The following CRIM1 variants were observed in gnomAD, a reference collection of about 807,000 sequenced individuals.
CRIM1 encodes cysteine rich transmembrane BMP regulator 1.
Under a neutral mutation model 116.4 loss-of-function variants are expected in CRIM1, and 32 were observed. That is an observed-to-expected ratio of 0.27 (90% CI 0.21 to 0.37). The LOEUF (loss-of-function observed/expected upper bound fraction) is 0.37, where lower values mean the gene tolerates loss of function less well. CRIM1 is among the 10% of genes least tolerant of loss of function. The probability of loss-of-function intolerance (pLI) is 1.00; values close to 1 mark genes in which losing one functional copy is unlikely to be tolerated. For synonymous variants in CRIM1, 590 were observed against 509.2 expected, an observed-to-expected ratio of 1.16 and a Z score of -2.13; for missense variants, 1,331 against 1,354.8, an observed-to-expected ratio of 0.98 and a Z score of 0.28.
At chr2:36,394,881 C>G (rs1200558869) in intron 1 of CRIM1, among the ~76,000 whole-genome samples, 1 of 152,032 alleles carries the variant, frequency 6.6e-6, no homozygotes. Flanking sequence ...ATTCTTGTAA[C>G]GACCTCTTGA....
chr2:36,438,424 A>C lies in CRIM1; in HGVS notation c.506-2834A>C, dbSNP rs1346655245. Among the ~76,000 whole-genome samples, 4 of 152,234 alleles carry C rather than the reference A, an allele frequency of 2.6e-5. No homozygotes were observed. The East Asian group carries it at 7.7e-4, about 29-fold the overall frequency. On this transcript the variant is annotated intron_variant, in intron 2 of 16. Coordinates refer to ENST00000280527, the MANE Select transcript of CRIM1 (RefSeq NM_016441.3). ...AATGCAGTTTACAAACTCCAACTTA[A>C]TCTGCATACATTCAAGATTCGCCTT...
chr2:36,489,683 G>T (rs1680083748), intron 7 of CRIM1, among the ~76,000 whole-genome samples: 1 of 152,166 alleles, frequency 6.6e-6, no homozygotes, highest in Non-Finnish European at 1.5e-5. Flanking sequence ...TTAGAAATAG[G>T]TCTTCTGTGT....
chr2:36,481,652 C>G (rs1383756803), intron 7 of CRIM1, among the ~76,000 whole-genome samples: 12 of 152,208 alleles, frequency 7.9e-5, no homozygotes, highest in Non-Finnish European at 1.8e-4. Flanking sequence ...CAGAGCAACA[C>G]TGCTGAAGCC....
intron 2 of CRIM1, among the ~76,000 whole-genome samples, chr2:36,419,044 G>C (rs1293821519): frequency 1.3e-5 from 2 of 152,156 alleles, no homozygotes; most frequent in African/African-American, 4.8e-5. Flanking sequence ...TATCCTGACA[G>C]TATCCCTGTA....
chr2:36,362,208 G>C (rs1305682161), intron 1 of CRIM1, among the ~76,000 whole-genome samples: 1 of 146,870 alleles, frequency 6.8e-6, no homozygotes, highest in East Asian at 2.4e-4. Context: ...AAGTGATTTT[G>C]CAAGTCTGTG....
At chr2:36,415,529 T>C (rs1673544473) in intron 2 of CRIM1, among the ~76,000 whole-genome samples, 1 of 152,220 alleles carries the variant, frequency 6.6e-6, no homozygotes, top group African/African-American at 2.4e-5. Flanking sequence ...ACACAACCCA[T>C]ATCCCAATTT....
At chr2:36,509,097 A>G (rs557518682) in intron 8 of CRIM1, among the ~76,000 whole-genome samples, 1 of 152,358 alleles carries the variant, frequency 6.6e-6, no homozygotes, top group African/African-American at 2.4e-5. Flanking sequence ...TTTAATTACT[A>G]TCATTTTGTA....
intron 1 of CRIM1, among the ~76,000 whole-genome samples, chr2:36,383,972 T>G (rs1670978538): frequency 6.6e-6 from 1 of 152,152 alleles, no homozygotes; most frequent in Admixed American, 6.6e-5. Flanking sequence ...AGACAAAAAT[T>G]CTTACCAACT....
At chr2:36,373,030 C>G (rs1284134517) in intron 1 of CRIM1, among the ~76,000 whole-genome samples, 1 of 152,054 alleles carries the variant, frequency 6.6e-6, no homozygotes, top group African/African-American at 2.4e-5. Context: ...AAATCTGTTC[C>G]CAGACTTCCT....
intron 8 of CRIM1, among the ~76,000 whole-genome samples, chr2:36,509,050 A>G (rs1462145233): frequency 3.3e-5 from 5 of 152,222 alleles, no homozygotes; most frequent in African/African-American, 9.6e-5. Flanking sequence ...TTGTCAGCAC[A>G]TAGAGAAAAA....
At chr2:36,471,843 T>G (rs544994259) in intron 5 of CRIM1, among the ~76,000 whole-genome samples, 1 of 152,158 alleles carries the variant, frequency 6.6e-6, no homozygotes, top group Non-Finnish European at 1.5e-5. Flanking sequence ...TAGACAAGTA[T>G]GGACTACAGT....
intron 12 of CRIM1, among the ~76,000 whole-genome samples, chr2:36,518,153 A>T (rs573282022): frequency 6.5e-4 from 99 of 152,340 alleles, no homozygotes; most frequent in African/African-American, 2.1e-3. Context: ...TATGGCCATG[A>T]AACTTGTTAG....
rs183700410 is a variant in CRIM1, at chr2:36,455,491, G to A, written c.870-9043G>A. Among the ~76,000 whole-genome samples the A allele has an allele frequency of 2.3e-3, 344 of 152,286 alleles. 1 individual carries two copies. Among genetic ancestry groups the A allele is most frequent in the Non-Finnish European group, 3.6e-3 (248 of 68,026 alleles). The stretch of plus-strand genomic sequence containing the variant: ...TTACTCAAGGTCACATAGTTCCTAA[G>A]CGGCCAGAACTTGAACCTAAGACTG... On this transcript the variant is annotated intron_variant, in intron 4 of 16. Coordinates refer to ENST00000280527, the MANE Select transcript of CRIM1 (RefSeq NM_016441.3).
intron 15 of CRIM1, among the ~76,000 whole-genome samples, chr2:36,545,216 T>C (rs547270839): frequency 6.6e-6 from 1 of 152,322 alleles, no homozygotes; most frequent in South Asian, 2.1e-4. Flanking sequence ...GCAATATTCA[T>C]TGCTTGAGAG....
chr2:36,381,589 T>C (rs746853705), intron 1 of CRIM1, among the ~76,000 whole-genome samples: 12 of 152,190 alleles, frequency 7.9e-5, no homozygotes, highest in Non-Finnish European at 1.3e-4. Flanking sequence ...CTTCTCACTT[T>C]AGAAACCAAG....
intron 7 of CRIM1, among the ~76,000 whole-genome samples, chr2:36,482,283 T>C (rs945249570): frequency 2.0e-5 from 3 of 152,198 alleles, no homozygotes; most frequent in African/African-American, 7.2e-5. Flanking sequence ...ATGAATGTAT[T>C]TACTCTCCAA....
chr2:36,378,272 T>C, intron 1 of CRIM1: 1 of 470,560 alleles, frequency 2.1e-6, no homozygotes, highest in Non-Finnish European at 4.4e-6. Flanking sequence ...TTTCTTCACA[T>C]TACATCACAT....
intron 4 of CRIM1, among the ~76,000 whole-genome samples, chr2:36,454,427 T>C (rs2124978376): frequency 6.6e-6 from 1 of 152,206 alleles, no homozygotes; most frequent in East Asian, 1.9e-4. Context: ...TGCTGCTAGT[T>C]AGAGAAGGCA....
At chr2:36,497,389 C>T (rs1007623301) in intron 7 of CRIM1, among the ~76,000 whole-genome samples, 10 of 152,102 alleles carry the variant, frequency 6.6e-5, no homozygotes, top group African/African-American at 2.4e-4. Flanking sequence ...AAAACATTGG[C>T]AGTCTTGGGA....
Sources: gnomAD v4.1 joint callset for allele counts (sites outside exome capture counted in the v4.1 genomes callset) on GRCh38, gnomAD v4.1.1 for gene constraint, MANE v1.5 for transcripts, NCBI Gene and HGNC (gene_info 2026-07-23, HGNC 2026-07-21) for gene names.